FGD5: variants seen among roughly 807,000 people sequenced by gnomAD.
FGD5 encodes the protein FYVE, RhoGEF and PH domain-containing protein 5.
FGD5 carries 28 observed loss-of-function variants against 133.4 expected under a neutral mutation model. The ratio of observed to expected loss-of-function variants is 0.21; its 90% CI spans 0.16 to 0.29. FGD5 has a LOEUF of 0.29. Ranked by LOEUF, FGD5 falls within the 10% of genes least tolerant of loss-of-function variation. The pLI, the probability that FGD5 is intolerant of heterozygous loss-of-function variation, is 1.00. For synonymous variants in FGD5, 810 were observed against 776.5 expected, an observed-to-expected ratio of 1.04 and a Z score of -0.72; for missense variants, 1,858 against 1,895.2, an observed-to-expected ratio of 0.98 and a Z score of 0.36.
chr3:14,816,907 G>A (rs2036377118), upstream of FGD5, among the ~76,000 whole-genome samples: 1 of 152,168 alleles, frequency 6.6e-6, no homozygotes, highest in African/African-American at 2.4e-5. Context: ...TTTGGCTTCA[G>A]AAATACTGAA....
chr3:14,841,981 C>T (rs1374351186), intron 1 of FGD5, among the ~76,000 whole-genome samples: 1 of 152,232 alleles, frequency 6.6e-6, no homozygotes, highest in Non-Finnish European at 1.5e-5. Flanking sequence ...AACGCTGTGC[C>T]TGAGAGTAAA....
At chr3:14,887,020 G>A (rs955713324) in intron 4 of FGD5, among the ~76,000 whole-genome samples, 1 of 152,212 alleles carries the variant, frequency 6.6e-6, no homozygotes, top group Non-Finnish European at 1.5e-5. Flanking sequence ...CTCTTGTTGA[G>A]TGGGGTGTTC....
intron 1 of FGD5, among the ~76,000 whole-genome samples, chr3:14,812,662 A>G (rs56833339): frequency 0.047 from 7,096 of 152,262 alleles, 552 homozygotes; most frequent in African/African-American, 0.16. Context: ...TCCTGATCAC[A>G]TGGCATGGTG....
chr3:14,918,911 G>C, intron 13 of FGD5, 78 bp downstream of exon 13: 1 of 1,486,418 alleles, frequency 6.7e-7, no homozygotes, highest in East Asian at 2.3e-5. Flanking sequence ...AGATAAGGAT[G>C]TGCTGTTTTT....
At chr3:14,885,713 G>A (rs1474714306) in intron 4 of FGD5, among the ~76,000 whole-genome samples, 1 of 152,196 alleles carries the variant, frequency 6.6e-6, no homozygotes, top group African/African-American at 2.4e-5. Flanking sequence ...GAGAGAGCAG[G>A]TAGAAGTGAA....
intron 4 of FGD5, among the ~76,000 whole-genome samples, chr3:14,890,570 C>G (rs1458672427): frequency 1.3e-5 from 2 of 152,184 alleles, no homozygotes; most frequent in Non-Finnish European, 1.5e-5. Flanking sequence ...CAGCAGAACC[C>G]TTTCAGGGAG....
chr3:14,824,761 G>A (rs2036570812), intron 1 of FGD5, among the ~76,000 whole-genome samples: 1 of 152,072 alleles, frequency 6.6e-6, no homozygotes, highest in African/African-American at 2.4e-5. Flanking sequence ...AAATGTAATG[G>A]AAACTTTTTC....
At chr3:14,835,565 T>C (rs2036802267) in intron 1 of FGD5, among the ~76,000 whole-genome samples, 1 of 151,922 alleles carries the variant, frequency 6.6e-6, no homozygotes, top group Non-Finnish European at 1.5e-5. Flanking sequence ...CAGGAGGTCG[T>C]GAAACCTTAA....
chr3:14,836,126 G>A (rs931803500), intron 1 of FGD5, among the ~76,000 whole-genome samples: 3 of 152,240 alleles, frequency 2.0e-5, no homozygotes, highest in African/African-American at 4.8e-5. Context: ...ACAAGGAGCC[G>A]TGGTGAGAGC....
Position 14,820,273 on chromosome 3 carries a change from A to T in FGD5, c.1202A>T (p.Gln401Leu). Residue 401 changes from glutamine (Q) to leucine (L), a missense_variant, in exon 1 of 20, where the codon CAG (glutamine) becomes CTG (leucine). Coordinates refer to ENST00000285046, the MANE Select transcript of FGD5 (RefSeq NM_152536.4). ...TTGTGTGGCCAGTGTGGCTCCCTAC[A>T]GGGTGGAGCGGCCGAGGGTCCCGCA... ...GALCGQCGSL[Q>L]GGAAEGPAAP... The T allele has an allele frequency of 6.2e-7, 1 of 1,605,200 alleles. No homozygotes were observed.
intron 2 of FGD5, among the ~76,000 whole-genome samples, chr3:14,877,448 G>A (rs1304207512): frequency 6.6e-6 from 1 of 152,178 alleles, no homozygotes; most frequent in Non-Finnish European, 1.5e-5. Flanking sequence ...TGGTAATGAT[G>A]GCAACTCCAG....
At chr3:14,902,693 A>G (rs1391220834) in intron 9 of FGD5, among the ~76,000 whole-genome samples, 1 of 152,142 alleles carries the variant, frequency 6.6e-6, no homozygotes, top group African/African-American at 2.4e-5. Flanking sequence ...TTGTACATAC[A>G]GTGAGAGTCC....
Position 14,933,302 on chromosome 3 carries a change from C to G in FGD5, c.*135C>G, listed in dbSNP as rs890835014. 3 of 872,482 alleles carry G rather than the reference C, an allele frequency of 3.4e-6. No individual in the cohort carries two copies. The highest frequency in any genetic ancestry group is 3.3e-5 in the African/African-American group (2 of 60,426). The allele number at this position is 872,482 out of a possible 1,614,324, so 54.0% of individuals were successfully genotyped here. A position where few individuals can be genotyped will look rare whatever the true frequency, so the allele number is the denominator to read the frequency against. On this transcript the variant is annotated 3_prime_UTR_variant, in exon 20 of 20. Transcript: ENST00000285046. ...GAGGCCTGACCTTTTTTGCTATAACCGCCCCACCACTCCCCTGCCCTTGCC... is the reference window on the plus strand; with the variant it reads ...GAGGCCTGACCTTTTTTGCTATAACGGCCCCACCACTCCCCTGCCCTTGCC...
intron 4 of FGD5, among the ~76,000 whole-genome samples, chr3:14,896,337 G>A (rs573032729): frequency 1.0e-3 from 157 of 152,134 alleles, no homozygotes; most frequent in Admixed American, 1.7e-3. Flanking sequence ...AAGCAATCCC[G>A]AACAAAAAGA....
chr3:14,907,847 G>A (rs2038369429), intron 10 of FGD5, 136 bp downstream of exon 10: 2 of 838,468 alleles, frequency 2.4e-6, no homozygotes, highest in Non-Finnish European at 3.7e-6. Flanking sequence ...AGGCGGGTGG[G>A]CGTGGGCTCA....
chr3:14,835,890 T>G (rs1426209216), intron 1 of FGD5, among the ~76,000 whole-genome samples: 1 of 152,106 alleles, frequency 6.6e-6, no homozygotes, highest in East Asian at 1.9e-4. Context: ...TTCTTGGTAA[T>G]TGTTATTTTG....
chr3:14,913,892 C>G (rs150717635), intron 11 of FGD5, among the ~76,000 whole-genome samples: 2 of 152,148 alleles, frequency 1.3e-5, no homozygotes, highest in Non-Finnish European at 2.9e-5. Context: ...CCACCACCCC[C>G]GTTTCCCCTC....
In FGD5 at chr3:14,917,462, G is replaced by A; in HGVS notation, c.3489+130G>A. The A allele has an allele frequency of 1.3e-6, 1 of 792,814 alleles. No individual in the cohort carries two copies. The highest frequency in any genetic ancestry group is 2.0e-6 in the Non-Finnish European group (1 of 496,540). The allele number at this position is 792,814 out of a possible 1,614,324, so 49.1% of individuals were successfully genotyped here. On this transcript the variant is annotated intron_variant, in intron 12 of 19. Transcript: ENST00000285046. This position sits in a 1 kb window ranked among gnomAD's most constrained non-coding sequence, Gnocchi z 4.1. ...GGAGGCCCTGCGGAAACAGTGTTGGGCTACAGCAAGTTTGTGCTGTAAGTT... is the reference window on the plus strand; with the variant it reads ...GGAGGCCCTGCGGAAACAGTGTTGGACTACAGCAAGTTTGTGCTGTAAGTT...
intron 2 of FGD5, among the ~76,000 whole-genome samples, chr3:14,875,989 A>T (rs1417591128): frequency 6.6e-6 from 1 of 152,148 alleles, no homozygotes; most frequent in Admixed American, 6.5e-5. Flanking sequence ...TGAAAGAAAG[A>T]GGTGGCTGTT....
Sources: gnomAD v4.1 joint callset for allele counts (sites outside exome capture counted in the v4.1 genomes callset) on GRCh38, gnomAD v4.1.1 for gene constraint, Gnocchi (gnomAD v3.1) non-coding constraint, MANE v1.5 for transcripts, NCBI Gene and HGNC (gene_info 2026-07-23, HGNC 2026-07-21) for gene names.